Variants in SSBP2 observed in about 807,000 individuals in gnomAD.
SSBP2 encodes the protein single stranded DNA binding protein 2, also known as single-stranded DNA-binding protein 2.
A neutral mutation model predicts 61.8 loss-of-function variants in SSBP2; 17 were observed. That is an observed-to-expected ratio of 0.28 (90% CI 0.19 to 0.41). SSBP2 has a LOEUF of 0.41. Among genes scored for constraint, SSBP2 ranks in the 10% least tolerant of loss-of-function variants. SSBP2 has a pLI of 1.00. For missense variants in SSBP2, 310 were observed against 458.7 expected, an observed-to-expected ratio of 0.68 and a Z score of 2.96; for synonymous variants, 139 against 141.3, an observed-to-expected ratio of 0.98 and a Z score of 0.12.
chr5:81,541,349 G>A (rs1771254953), intron 4 of SSBP2, among the ~76,000 whole-genome samples: 1 of 152,014 alleles, frequency 6.6e-6, no homozygotes, highest in South Asian at 2.1e-4. Flanking sequence ...ACTGCCTAAG[G>A]CACTCTATAG....
chr5:81,728,029 A>G (rs1756007505), intron 1 of SSBP2, among the ~76,000 whole-genome samples: 1 of 152,210 alleles, frequency 6.6e-6, no homozygotes, highest in Non-Finnish European at 1.5e-5. Context: ...AGCATATTCA[A>G]GGACTGAAAG....
chr5:81,664,715 A>G (rs996136682), intron 1 of SSBP2, among the ~76,000 whole-genome samples: 3 of 152,230 alleles, frequency 2.0e-5, no homozygotes, highest in Non-Finnish European at 4.4e-5. Flanking sequence ...ATACACAAAC[A>G]GGAATTTTTT....
rs538569864 is a variant in SSBP2 at position 81,634,951 on chromosome 5, C to T, written c.197+1606G>A. Among the ~76,000 whole-genome samples the T allele has an allele frequency of 3.9e-5, 6 of 152,322 alleles. No individual in the cohort carries two copies. The South Asian group carries it at 6.2e-4, about 16-fold the overall frequency. Reference sequence around the variant, plus strand: ...AATACGTCTCTCTCACTGCTTACTTCGTTATTTGTTTTCCCTATAGACTGT... The same window carrying T: ...AATACGTCTCTCTCACTGCTTACTTTGTTATTTGTTTTCCCTATAGACTGT... On this transcript the variant is annotated intron_variant, in intron 3 of 16. Coordinates refer to ENST00000320672, the MANE Select transcript of SSBP2 (RefSeq NM_012446.5).
intron 4 of SSBP2, among the ~76,000 whole-genome samples, chr5:81,603,172 T>C (rs1181093575): frequency 1.3e-5 from 2 of 152,194 alleles, no homozygotes; most frequent in Non-Finnish European, 2.9e-5. Flanking sequence ...GAGATAATAA[T>C]GACTGTCTGC....
rs1213860920 is a variant in SSBP2 at position 81,488,033 on chromosome 5, AT to A, written c.432+1216del. On this transcript the variant is annotated intron_variant, in intron 6 of 16. Coordinates refer to ENST00000320672, the MANE Select transcript of SSBP2 (RefSeq NM_012446.5). ...ATAATATATATATATATATATATAT[AT>A]ATATATATATATATATATATATATA... Among the ~76,000 whole-genome samples the A allele has an allele frequency of 5.0e-4, 8 of 16,046 alleles. No individual in the cohort carries two copies. The African/African-American group carries it at 8.9e-3, about 18-fold the overall frequency. 10.5% of individuals were successfully genotyped at this position (16,046 alleles called of 152,430 possible). A position where few individuals can be genotyped will look rare whatever the true frequency, so the allele number is the denominator to read the frequency against.
At chr5:81,698,705 G>A (rs1205114409) in intron 1 of SSBP2, among the ~76,000 whole-genome samples, 1 of 152,190 alleles carries the variant, frequency 6.6e-6, no homozygotes, top group Non-Finnish European at 1.5e-5. Flanking sequence ...CTACTCGGGA[G>A]GCTGAGGCAG....
Position 81,636,537 on chromosome 5 carries a change from A to G in SSBP2, c.197+20T>C. ...GAAATGCATCATCAAGCCAGTAAAA[A>G]TGGAATAAAGGATACTTACCACCAC... On this transcript the variant is annotated intron_variant, in intron 3 of 16. Coordinates refer to ENST00000320672, the MANE Select transcript of SSBP2 (RefSeq NM_012446.5). 6.3e-7 allele frequency: 1 copy of G among 1,597,230 alleles called. No individual in the cohort carries two copies. Among genetic ancestry groups the G allele is most frequent in the Non-Finnish European group, 8.6e-7 (1 of 1,169,268 alleles).
chr5:81,710,568 T>C (rs1754705534), intron 1 of SSBP2: 1 of 383,026 alleles, frequency 2.6e-6, no homozygotes, highest in East Asian at 7.3e-5. Flanking sequence ...GGCTGATAGG[T>C]AGAAATAACT....
chr5:81,454,691 A>T (rs909668882), intron 10 of SSBP2, among the ~76,000 whole-genome samples: 3 of 152,050 alleles, frequency 2.0e-5, no homozygotes, highest in African/African-American at 4.8e-5. Flanking sequence ...AAAAAAAAAT[A>T]ATAGAACAAT....
At chr5:81,719,316 T>C (rs1414724320) in intron 1 of SSBP2, among the ~76,000 whole-genome samples, 1 of 152,156 alleles carries the variant, frequency 6.6e-6, no homozygotes, top group Non-Finnish European at 1.5e-5. Flanking sequence ...CCCCGCTTCC[T>C]CCAAGAGCTA....
At chr5:81,706,787 A>C (rs1754423695) in intron 1 of SSBP2, among the ~76,000 whole-genome samples, 1 of 152,174 alleles carries the variant, frequency 6.6e-6, no homozygotes, top group Non-Finnish European at 1.5e-5. Context: ...AAACAGAGCT[A>C]GGTACTTGAT....
At chr5:81,530,284 G>C (rs1306807647) in intron 4 of SSBP2, among the ~76,000 whole-genome samples, 1 of 151,936 alleles carries the variant, frequency 6.6e-6, no homozygotes, top group Non-Finnish European at 1.5e-5. Flanking sequence ...CACAAAGTAA[G>C]GTATCAATAA....
Position 81,446,976 on chromosome 5 carries a change from A to G in SSBP2, c.724-54T>C, listed in dbSNP as rs1183143220. ...AATAAGGCATTGCATAAGAAAAAAC[A>G]GAAGTTAGACTTATATCTATAATAA... On this transcript the variant is annotated intron_variant, in intron 11 of 16. Transcript: ENST00000320672. The G allele has an allele frequency of 1.1e-5, 15 of 1,341,238 alleles. No individual in the cohort carries two copies. The East Asian group carries it at 3.4e-4, about 30-fold the overall frequency. 83.1% of individuals were successfully genotyped at this position (1,341,238 alleles called of 1,614,324 possible).
chr5:81,603,812 G>T (rs977679957), intron 4 of SSBP2, among the ~76,000 whole-genome samples: 3 of 152,074 alleles, frequency 2.0e-5, no homozygotes, highest in African/African-American at 7.2e-5. Flanking sequence ...ATAAAAAATA[G>T]TTCTATGGTC....
At chr5:81,454,488 GT>G (rs1014141551) in intron 10 of SSBP2, among the ~76,000 whole-genome samples, 11 of 152,142 alleles carry the variant, frequency 7.2e-5, no homozygotes, top group African/African-American at 2.6e-4. Context: ...CGAGACCAGC[GT>G]GGCCAACACG....
At chr5:81,463,556 C>T (rs966884825) in intron 9 of SSBP2, among the ~76,000 whole-genome samples, 5 of 151,872 alleles carry the variant, frequency 3.3e-5, no homozygotes, top group African/African-American at 7.3e-5. Flanking sequence ...AAAAATTAGC[C>T]GGGCGTGGTG....
intron 4 of SSBP2, among the ~76,000 whole-genome samples, chr5:81,606,864 A>C (rs1245140252): frequency 2.4e-4 from 36 of 152,220 alleles, no homozygotes; most frequent in Non-Finnish European, 1.5e-5. Context: ...CCCATGATAA[A>C]ACAGGTTCCA....
At chr5:81,728,455 T>C (rs1275915486) in intron 1 of SSBP2, among the ~76,000 whole-genome samples, 1 of 152,200 alleles carries the variant, frequency 6.6e-6, no homozygotes, top group Non-Finnish European at 1.5e-5. Flanking sequence ...AACATTGGTA[T>C]AGAGAACATT....
At chr5:81,688,368 C>T (rs914397160) in intron 1 of SSBP2, among the ~76,000 whole-genome samples, 2 of 152,194 alleles carry the variant, frequency 1.3e-5, no homozygotes, top group Non-Finnish European at 2.9e-5. Flanking sequence ...AAACAAAGAA[C>T]ATTAGCTTGG....
Sources: allele counts gnomAD v4.1 joint callset (sites outside exome capture counted in the v4.1 genomes callset), GRCh38; gene constraint gnomAD v4.1.1; transcripts MANE v1.5; gene names NCBI Gene and HGNC (gene_info 2026-07-23, HGNC 2026-07-21).